PRSS50: variants seen among roughly 807,000 people sequenced by gnomAD.
PRSS50 encodes serine protease 50, also known as probable threonine protease PRSS50.
Under a neutral mutation model 34.2 loss-of-function variants are expected in PRSS50, and 23 were observed. The ratio of observed to expected loss-of-function variants is 0.67; its 90% confidence interval spans 0.48 to 0.95. The LOEUF (loss-of-function observed/expected upper bound fraction) is 0.95. Among genes scored for constraint, PRSS50 ranks in the 40% least tolerant of loss-of-function variants. The probability of loss-of-function intolerance (pLI) is 0.00; values close to 1 mark genes in which losing one functional copy is unlikely to be tolerated. For synonymous variants in PRSS50, 224 were observed against 211.2 expected (o/e 1.06, Z -0.53); for missense variants, 484 against 513.4 (o/e 0.94, Z 0.55).
Position 46,717,570 on chromosome 3 carries a change from C to A in PRSS50, c.174G>T (p.Gln58His). 1 of 1,613,718 alleles carries A rather than the reference C, an allele frequency of 6.2e-7. No homozygotes were observed. ...STADPADQSV[Q>H]CVPKATCPSS... ...AAGGACAGGTGGCCTTGGGGACACACTGGACGCTCTGGTCGGCGGGATCAG... is the reference window on the plus strand; with the variant it reads ...AAGGACAGGTGGCCTTGGGGACACAATGGACGCTCTGGTCGGCGGGATCAG... The change falls in exon 2 of 6, where the codon CAG becomes CAT. Residue 58 changes from glutamine (Q) to histidine (H), a missense_variant. Gln to His is a conservative substitution (Grantham distance 24). Transcript: ENST00000315170. This position sits in a 1 kb window ranked among gnomAD's most constrained non-coding sequence, Gnocchi z 4.5.
rs543637635 is a variant in PRSS50, at chr3:46,715,778, C to T, written c.308-81G>A. On this transcript the variant is annotated intron_variant, in intron 2 of 5. Transcript: ENST00000315170. This position sits in a 1 kb window ranked among gnomAD's most constrained non-coding sequence, Gnocchi z 5.2. ...CCCCCAGCCTGACCTCGTGCCTCTC[C>T]AGCCACTGGCCTGCACCCATCCAGG... The T allele has an allele frequency of 1.2e-4, 172 of 1,449,822 alleles. No homozygotes were observed. In the African/African-American group the frequency reaches 2.2e-3, roughly 19 times the overall value. 89.8% of individuals were successfully genotyped at this position (1,449,822 alleles called of 1,614,324 possible).
At chr3:46,712,797 CCCCTT>C in intron 5 of PRSS50, 99 bp downstream of exon 5, 8 of 1,307,422 alleles carry the variant, frequency 6.1e-6, no homozygotes, top group South Asian at 1.3e-5. Context: ...TCCTGCCCAC[CCCCTT>C]CCCTTCCCCT....
Position 46,712,392 on chromosome 3 carries a change from C to A in PRSS50, c.1012G>T (p.Glu338Ter). The change falls in exon 6 of 6, where the codon GAG (glutamate) becomes TAG (stop). Residue 338 changes from glutamate to a stop codon, truncating the protein, a stop_gained. Transcript: ENST00000315170. LOFTEE classifies it low-confidence loss of function (END_TRUNC). ...ACCTGTAGGTAGATGGGTGGGGCCTCGCTCTTCTGGCAGCCTGCACCCCAG... is the reference window on the plus strand; with the variant it reads ...ACCTGTAGGTAGATGGGTGGGGCCTAGCTCTTCTGGCAGCCTGCACCCCAG... Reference protein sequence around the residue: ...VSWGAGCQKSEAPPIYLQVSS... With the variant: ...VSWGAGCQKS 6.2e-7 allele frequency: 1 copy of A among 1,613,886 alleles called. No individual in the cohort carries two copies. The highest frequency in any genetic ancestry group is 8.5e-7 in the Non-Finnish European group (1 of 1,179,942).
chr3:46,717,652 G>A lies in PRSS50; in HGVS notation c.107-15C>T, dbSNP rs201164193. The stretch of plus-strand genomic sequence containing the variant: ...GCCCCAGCAACCTGCGGAGGACGTC[G>A]AGCGGATTAGAGGTGGAAGGCGAGG... On this transcript the variant is annotated splice_polypyrimidine_tract_variant and intron_variant, in intron 1 of 5. Coordinates refer to ENST00000315170, the MANE Select transcript of PRSS50 (RefSeq NM_013270.5). This position sits in a 1 kb window ranked among gnomAD's most constrained non-coding sequence, Gnocchi z 4.5. 3 of 1,610,196 alleles carry A rather than the reference G, an allele frequency of 1.9e-6. No homozygotes were observed. Among genetic ancestry groups the A allele is most frequent in the Non-Finnish European group, 2.5e-6 (3 of 1,178,396 alleles).
Position 46,714,420 on chromosome 3 carries a change from G to C in PRSS50, c.552C>G (p.Leu184=), listed in dbSNP as rs1375260126. 1.2e-6 allele frequency: 2 copies of C among 1,612,562 alleles called. No homozygotes were observed. Among genetic ancestry groups the C allele is most frequent in the African/African-American group, 2.7e-5 (2 of 74,872 alleles). Residue 184 remains leucine (L), a synonymous_variant, in exon 4 of 6, where the codon CTC becomes CTG. Coordinates refer to ENST00000315170, the MANE Select transcript of PRSS50 (RefSeq NM_013270.5). ...MTQTASDVPV[L]QVIMHSRYRA... Reference sequence around the variant, plus strand: ...GGTACCTGCTATGCATGATGACCTGGAGCACCGGGACATCGGAGGCGGTCT... The same window carrying C: ...GGTACCTGCTATGCATGATGACCTGCAGCACCGGGACATCGGAGGCGGTCT...
Position 46,712,919 on chromosome 3 carries a change from G to C in PRSS50, c.903C>G (p.His301Gln), listed in dbSNP as rs1023577105. The change falls in exon 5 of 6, where the codon CAC (histidine) becomes CAG (glutamine). Residue 301 changes from histidine to glutamine, a missense_variant. By Grantham distance (24) the His-to-Gln change is conservative (BLOSUM62 0). Transcript: ENST00000315170. Reference sequence around the variant, plus strand: ...CGCTCACATAGCAGAACTTCTCCCTGTGGGTGTCCTCCGCACACATCATCT... The same window carrying C: ...CGCTCACATAGCAGAACTTCTCCCTCTGGGTGTCCTCCGCACACATCATCT... ...KSQMMCAEDTHREKFCYELTG... is the reference protein window; with the variant it reads ...KSQMMCAEDTQREKFCYELTG... 1.9e-6 allele frequency: 3 copies of C among 1,614,084 alleles called. No homozygotes were observed. The highest frequency in any genetic ancestry group is 2.7e-5 in the African/African-American group (2 of 75,016).
Position 46,716,156 on chromosome 3 carries a change from C to T in PRSS50, c.308-459G>A. Among the ~76,000 whole-genome samples the T allele has an allele frequency of 6.6e-6, 1 of 152,216 alleles. No homozygotes were observed. The highest frequency in any genetic ancestry group is 1.9e-4 in the East Asian group (1 of 5,190). Reference sequence around the variant, plus strand: ...GCCCCAACAGAAAAATGGGCATAGTCCAAGGAGAAAATCCCAGTAGCCAAT... The same window carrying T: ...GCCCCAACAGAAAAATGGGCATAGTTCAAGGAGAAAATCCCAGTAGCCAAT... On this transcript the variant is annotated intron_variant, in intron 2 of 5. Transcript: ENST00000315170. This position sits in a 1 kb window ranked among gnomAD's most constrained non-coding sequence, Gnocchi z 4.4.
chr3:46,712,292 AG>A lies in PRSS50; in HGVS notation c.1111del (p.Leu371CysfsTer?). Reference protein sequence around the residue: ...ALALPAPSRTLLLALPLPLSL... With the variant: ...ALALPAPSRTXLLALPLPLSL... ...GAGGGGCAGTGGGAGTGCCAGGAGC[AG>A]GGTCCTGGATGGGGCTGGCAGGGCC... On this transcript the variant is annotated frameshift_variant, in exon 6 of 6. Coordinates refer to ENST00000315170, the MANE Select transcript of PRSS50 (RefSeq NM_013270.5). LOFTEE classifies it high-confidence loss of function. 2 of 1,612,902 alleles carry A rather than the reference AG, an allele frequency of 1.2e-6. No homozygotes were observed. Among genetic ancestry groups the A allele is most frequent in the African/African-American group, 2.7e-5 (2 of 75,012 alleles).
chr3:46,717,550 C>G lies in PRSS50; in HGVS notation c.194G>C (p.Cys65Ser). Residue 65 changes from cysteine to serine, a missense_variant, in exon 2 of 6, where the codon TGT becomes TCT. Cys to Ser is a moderately radical substitution (Grantham distance 112). Coordinates refer to ENST00000315170, the MANE Select transcript of PRSS50 (RefSeq NM_013270.5). The surrounding 1 kb of genome is among the most constrained non-coding windows in gnomAD (Gnocchi z 4.5). ...GAGAAGGCGAGGCCGGCTGGAAGGA[C>G]AGGTGGCCTTGGGGACACACTGGAC... is the stretch of plus-strand genomic sequence containing the variant. ...QSVQCVPKAT[C>S]PSSRPRLLWQ... 6.2e-7 allele frequency: 1 copy of G among 1,613,866 alleles called. No individual in the cohort carries two copies. The highest frequency in any genetic ancestry group is 8.5e-7 in the Non-Finnish European group (1 of 1,180,008).
chr3:46,712,874 G>C (rs756225737), intron 5 of PRSS50, 27 bp downstream of exon 5: 24 of 1,610,646 alleles, frequency 1.5e-5, no homozygotes, highest in Non-Finnish European at 2.0e-5. Flanking sequence ...GCCCCTGAAG[G>C]GGAGTGAGCG....
chr3:46,713,168 T>G (rs1700640897), intron 4 of PRSS50, 101 bp from the exon 5 acceptor site: 1 of 1,402,462 alleles, frequency 7.1e-7, no homozygotes, highest in Non-Finnish European at 9.9e-7. Context: ...CCACCTTTTC[T>G]GCTTTAGCCA....
Position 46,714,498 on chromosome 3 carries a change from A to G in PRSS50, c.474T>C (p.Arg158=). 6.3e-7 allele frequency: 1 copy of G among 1,584,746 alleles called. No homozygotes were observed. Among genetic ancestry groups the G allele is most frequent in the Non-Finnish European group, 8.6e-7 (1 of 1,166,630 alleles). The stretch of plus-strand genomic sequence containing the variant: ...CCACCCTCACTGAGTAGATAACATC[A>G]CGCCTAGGGGGGCCGTGAGGGGAGG... The part of the protein sequence containing the change: ...VLTVAHCLIW[R]DVIYSVRVGS... Residue 158 remains arginine (R), a synonymous_variant, in exon 4 of 6, where the codon CGT becomes CGC. Coordinates refer to ENST00000315170, the MANE Select transcript of PRSS50 (RefSeq NM_013270.5).
Position 46,717,559 on chromosome 3 carries a change from T to C in PRSS50, c.185A>G (p.Lys62Arg), listed in dbSNP as rs1366882612. Residue 62 changes from lysine to arginine, a missense_variant, in exon 2 of 6, where the codon AAG (lysine) becomes AGG (arginine). Lys to Arg is a conservative substitution (Grantham distance 26). Transcript: ENST00000315170. This position sits in a 1 kb window ranked among gnomAD's most constrained non-coding sequence, Gnocchi z 4.5. The part of the protein sequence containing the change: ...PADQSVQCVP[K>R]ATCPSSRPRL... ...AGGCCGGCTGGAAGGACAGGTGGCC[T>C]TGGGGACACACTGGACGCTCTGGTC... The C allele has an allele frequency of 6.2e-7, 1 of 1,613,674 alleles. No individual in the cohort carries two copies. The highest frequency in any genetic ancestry group is 1.3e-5 in the African/African-American group (1 of 74,910).
rs558233568 is a variant in PRSS50 at position 46,712,163 on chromosome 3, C to G, written c.*83G>C. ...ATTGAGCACCTCATCTCCACCCTGA[C>G]TCTCAGGGCTGTGACAGCTGCACCC... is the stretch of plus-strand genomic sequence containing the variant. On this transcript the variant is annotated 3_prime_UTR_variant, in exon 6 of 6. Coordinates refer to ENST00000315170, the MANE Select transcript of PRSS50 (RefSeq NM_013270.5). 176 of 1,206,124 alleles carry G rather than the reference C, an allele frequency of 1.5e-4. No homozygotes were observed. Among genetic ancestry groups the G allele is most frequent in the Non-Finnish European group, 2.0e-4 (171 of 852,456 alleles). 74.7% of individuals were successfully genotyped at this position (1,206,124 alleles called of 1,614,324 possible).
chr3:46,713,114 C>T (rs777199241), intron 4 of PRSS50, 47 bp from the exon 5 acceptor site: 20 of 1,599,500 alleles, frequency 1.3e-5, no homozygotes, highest in South Asian at 2.2e-5. Context: ...CCGCTGCCCA[C>T]TACCGCCAGC....
At chr3:46,713,685 T>G (rs1159563905) in intron 4 of PRSS50, among the ~76,000 whole-genome samples, 1 of 152,248 alleles carries the variant, frequency 6.6e-6, no homozygotes, top group Admixed American at 6.5e-5. Context: ...TAGACAGTTC[T>G]AGGGTCCCCT....
rs1700674970 is a variant in PRSS50, at chr3:46,715,831, G to A, written c.308-134C>T. The A allele has an allele frequency of 1.1e-6, 1 of 939,340 alleles. No individual in the cohort carries two copies. The highest frequency in any genetic ancestry group is 1.6e-6 in the Non-Finnish European group (1 of 633,238). 58.2% of individuals were successfully genotyped at this position (939,340 alleles called of 1,614,324 possible). The stretch of plus-strand genomic sequence containing the variant: ...TGCTCCCTTTTCACCTGTCACCATG[G>A]AATGATGCTGTCCACATGTGGACTG... On this transcript the variant is annotated intron_variant, in intron 2 of 5. Transcript: ENST00000315170. This position sits in a 1 kb window ranked among gnomAD's most constrained non-coding sequence, Gnocchi z 5.2.
At position 46,717,624 on chromosome 3, in the gene PRSS50, T is replaced by C. The variant is rs1182117621; in HGVS notation, c.120A>G (p.Ala40=). The part of the protein sequence containing the change: ...LLLRSAGCWG[A]GEAPGALSTA... ...TGGACAGCGCCCCCGGGGCTTCCCC[T>C]GCGCCCCAGCAACCTGCGGAGGACG... The change falls in exon 2 of 6, where the codon GCA becomes GCG. Residue 40 remains alanine (A), a synonymous_variant. Coordinates refer to ENST00000315170, the MANE Select transcript of PRSS50 (RefSeq NM_013270.5). The surrounding 1 kb of genome is among the most constrained non-coding windows in gnomAD (Gnocchi z 4.5). The C allele has an allele frequency of 6.2e-7, 1 of 1,612,884 alleles. No homozygotes were observed. The highest frequency in any genetic ancestry group is 1.7e-4 in the Middle Eastern group (1 of 5,912).
In PRSS50 at chr3:46,714,927, G is replaced by A. The variant is rs141044861; in HGVS notation, c.471-426C>T. Among the ~76,000 whole-genome samples, 955 of 152,278 alleles carry A rather than the reference G, an allele frequency of 6.3e-3. 5 individuals carry two copies. The highest frequency in any genetic ancestry group is 0.01 in the Non-Finnish European group (693 of 68,022). On this transcript the variant is annotated intron_variant, in intron 3 of 5. Transcript: ENST00000315170. ...TGCCATGGCCTGGCTATCTAGCTGC[G>A]CACCCCGGGGTACCCCTTGGAGTCT... is the stretch of plus-strand genomic sequence containing the variant.
Sources: gnomAD v4.1 joint callset for allele counts (sites outside exome capture counted in the v4.1 genomes callset) on GRCh38, gnomAD v4.1.1 for gene constraint, Gnocchi (gnomAD v3.1) non-coding constraint, MANE v1.5 for transcripts, NCBI Gene and HGNC (gene_info 2026-07-23, HGNC 2026-07-21) for gene names.